Variants in BCOR observed in about 807,000 individuals in gnomAD.
BCOR encodes BCL-6 corepressor.
Under a neutral mutation model 86.7 loss-of-function variants are expected in BCOR, and 10 were observed. The observed-to-expected ratio is 0.12, with a 90% CI of 0.07 to 0.20. The LOEUF is 0.20. Among genes scored for constraint, BCOR ranks in the 10% least tolerant of loss-of-function variants. BCOR has a pLI of 1.00. For missense variants in BCOR, 1,259 were observed against 1,452.1 expected (o/e 0.87, Z 2.16); for synonymous variants, 611 against 609.0 (o/e 1.00, Z -0.05).
chrX:40,139,481 ATATATATATATATATATTTT>A lies in BCOR; in HGVS notation c.-41+37506_-41+37525del, dbSNP rs1337457924. Among the ~76,000 whole-genome samples, 7 of 13,588 alleles carry A rather than the reference ATATATATATATATATATTTT, an allele frequency of 5.2e-4. 1 individual carries two copies. The highest frequency in any genetic ancestry group is 3.5e-3 in the African/African-American group (6 of 1,704). The allele number at this position is 13,588 out of a possible 115,157, so 11.8% of individuals were successfully genotyped here. On this transcript the variant is annotated intron_variant, in intron 1 of 14. Coordinates refer to the BCOR transcript ENST00000342274. ...CATATATATATATATATATATATAT[ATATATATATATATATATTTT>A]TTTTTTTTTTTAAGCATCAGCCTTA...
Position 40,064,329 on chromosome X carries a change from G to A in BCOR, c.3502+7C>T. 8.2e-7 allele frequency: 1 copy of A among 1,212,310 alleles called. No homozygotes were observed. Among genetic ancestry groups the A allele is most frequent in the Non-Finnish European group, 1.1e-6 (1 of 895,641 alleles). On this transcript the variant is annotated splice_region_variant and intron_variant, in intron 7 of 14. Transcript: ENST00000378444. Reference sequence around the variant, plus strand: ...CCCGGCAGGCGGGCGAAGCAGACAGGGCTCACCTTTAGAGACTCGTCGGCG... The same window carrying A: ...CCCGGCAGGCGGGCGAAGCAGACAGAGCTCACCTTTAGAGACTCGTCGGCG...
chrX:40,166,928 C>CT (rs755026259), intron 1 of BCOR, among the ~76,000 whole-genome samples: 6 of 111,619 alleles, frequency 5.4e-5, no homozygotes, highest in South Asian at 3.8e-4. Context: ...ACCCCAGCCT[C>CT]TGACTTTGTC....
chrX:40,093,920 T>G (rs1936726440), intron 1 of BCOR, among the ~76,000 whole-genome samples: 1 of 111,632 alleles, frequency 9.0e-6, no homozygotes, highest in Non-Finnish European at 1.9e-5. Context: ...GCTCCCCGAC[T>G]GAGAAATACC....
At chrX:40,109,250 C>A (rs1386256655) in intron 1 of BCOR, among the ~76,000 whole-genome samples, 1 of 112,358 alleles carries the variant, frequency 8.9e-6, no homozygotes, top group African/African-American at 3.2e-5. Context: ...GCTCCCCGGT[C>A]CTCGGCGCGG....
chrX:40,119,112 C>T (rs1490356682), intron 1 of BCOR, among the ~76,000 whole-genome samples: 1 of 112,273 alleles, frequency 8.9e-6, no homozygotes, highest in East Asian at 2.8e-4. Flanking sequence ...GGATTACAGG[C>T]ATGAGCCATC....
intron 1 of BCOR, among the ~76,000 whole-genome samples, chrX:40,114,967 C>T (rs981654905): frequency 9.3e-6 from 1 of 107,437 alleles, no homozygotes; most frequent in African/African-American, 3.4e-5. Context: ...ATTCTCCTGC[C>T]TCAGCCTCTC....
intron 1 of BCOR, among the ~76,000 whole-genome samples, chrX:40,144,779 T>C (rs973693390): frequency 2.7e-5 from 3 of 109,865 alleles, no homozygotes; most frequent in African/African-American, 1.0e-4. Flanking sequence ...CAGTCTCTGT[T>C]AACTCCTTGC....
intron 1 of BCOR, among the ~76,000 whole-genome samples, chrX:40,168,434 C>G (rs368857011): frequency 9.7e-4 from 110 of 112,966 alleles, no homozygotes; most frequent in African/African-American, 3.4e-3. Flanking sequence ...CAAACACCCC[C>G]CTCCTAGCCT....
At chrX:40,112,228 C>T (rs771852275) in intron 1 of BCOR, among the ~76,000 whole-genome samples, 3 of 111,310 alleles carry the variant, frequency 2.7e-5, no homozygotes, top group Non-Finnish European at 5.7e-5. Context: ...CTGGATCCTC[C>T]CCTTCCTCCC....
At chrX:40,153,160 G>A (rs185458713) in intron 1 of BCOR, among the ~76,000 whole-genome samples, 3 of 113,157 alleles carry the variant, frequency 2.7e-5, no homozygotes, top group Non-Finnish European at 5.6e-5. Context: ...GCGGCGGGGG[G>A]AGGGGGTAGC....
chrX:40,105,031 C>T (rs1316286783), intron 1 of BCOR, among the ~76,000 whole-genome samples: 4 of 110,779 alleles, frequency 3.6e-5, no homozygotes, highest in South Asian at 3.7e-4. Context: ...TAAGCTGAGT[C>T]GGCGGGGCAG....
intron 14 of BCOR, 45 bp downstream of exon 14, chrX:40,053,841 A>G (rs200502013): frequency 8.3e-7 from 1 of 1,200,497 alleles, no homozygotes; most frequent in East Asian, 3.0e-5. Flanking sequence ...CTGTCACCTC[A>G]AGAGCAGCTC....
intron 1 of BCOR, among the ~76,000 whole-genome samples, chrX:40,134,206 TCTGTGGCAG>T (rs1426400199): frequency 2.8e-5 from 3 of 107,946 alleles, no homozygotes; most frequent in Non-Finnish European, 1.9e-5. Flanking sequence ...AGGGGTGTGC[TCTGTGGCAG>T]CTGTGGAACC....
chrX:40,135,893 G>A (rs906321471), intron 1 of BCOR, among the ~76,000 whole-genome samples: 2 of 112,079 alleles, frequency 1.8e-5, no homozygotes, highest in African/African-American at 6.5e-5. Context: ...TTTGATATAT[G>A]TGTTTGTATA....
intron 1 of BCOR, among the ~76,000 whole-genome samples, chrX:40,089,980 G>A (rs2147582989): frequency 8.9e-6 from 1 of 111,929 alleles, no homozygotes; most frequent in Non-Finnish European, 1.9e-5. Context: ...TTTCCCCAAC[G>A]TTTCTTTACA....
intron 1 of BCOR, among the ~76,000 whole-genome samples, chrX:40,084,710 C>CCCCCCCA (rs1555923364): frequency 1.3e-3 from 124 of 98,821 alleles, no homozygotes; most frequent in African/African-American, 5.5e-3. Context: ...GCCACCCCCC[C>CCCCCCCA]CCACCACCAC....
At position 40,062,794 on chromosome X, in the gene BCOR, C is replaced by G. The variant is rs757538161; in HGVS notation, c.4125G>C (p.Arg1375=). 8.3e-7 allele frequency: 1 copy of G among 1,211,719 alleles called. No individual in the cohort carries two copies. The highest frequency in any genetic ancestry group is 1.8e-5 in the South Asian group (1 of 56,910). ...AGTATTCCCCTGTCAGTGGCAATCC[C>G]CGCCTGGACTCCTGAGGGATCAAGT... The part of the protein sequence containing the change: ...TKHLIPQESR[R]GLPLTGEYYV... The change falls in exon 9 of 15, where the codon CGG becomes CGC. Residue 1375 remains arginine (R), a synonymous_variant. Transcript: ENST00000378444.
intron 1 of BCOR, among the ~76,000 whole-genome samples, chrX:40,128,277 G>A (rs895116376): frequency 3.6e-5 from 4 of 109,952 alleles, no homozygotes; most frequent in East Asian, 2.8e-4. Context: ...CAGGTGCAGC[G>A]GCTCACAGCT....
intron 1 of BCOR, among the ~76,000 whole-genome samples, chrX:40,081,997 C>T (rs968722857): frequency 3.6e-5 from 4 of 112,515 alleles, no homozygotes; most frequent in Admixed American, 1.9e-4. Flanking sequence ...CTTGGGTCAC[C>T]CTGGACAGAC....
Sources: allele counts gnomAD v4.1 joint callset (sites outside exome capture counted in the v4.1 genomes callset), GRCh38; gene constraint gnomAD v4.1.1; transcripts MANE v1.5; gene names NCBI Gene and HGNC (gene_info 2026-07-23, HGNC 2026-07-21).